The following UTRN variants were observed in gnomAD, a reference collection of about 807,000 sequenced individuals.
The protein encoded by UTRN is utrophin, also known as dystrophin-related protein 1.
UTRN carries 283 observed loss-of-function variants against 463.9 expected under a neutral mutation model. The observed-to-expected ratio is 0.61, with a 90% CI of 0.55 to 0.67. The LOEUF is 0.67. Ranked by LOEUF, UTRN falls within the 30% of genes least tolerant of loss-of-function variation. UTRN has a pLI of 0.00. For synonymous variants in UTRN, 1,442 were observed against 1,431.5 expected (o/e 1.01, Z -0.17); for missense variants, 3,922 against 4,084.3 (o/e 0.96, Z 1.08).
intron 51 of UTRN, among the ~76,000 whole-genome samples, chr6:144,588,238 T>C (rs1802666340): frequency 6.6e-6 from 1 of 152,216 alleles, no homozygotes; most frequent in South Asian, 2.1e-4. Context: ...TAGAAAGCTC[T>C]TGGACCTCTG....
intron 11 of UTRN, 128 bp downstream of exon 11, chr6:144,437,874 T>A: frequency 1.1e-6 from 1 of 897,704 alleles, no homozygotes; most frequent in Non-Finnish European, 1.6e-6. Context: ...TAAGACTCTT[T>A]TCTACGGGTA....
chr6:144,434,253 G>T (rs1326821998), intron 9 of UTRN, among the ~76,000 whole-genome samples: 1 of 148,280 alleles, frequency 6.7e-6, no homozygotes, highest in African/African-American at 2.5e-5. Flanking sequence ...TGAGGCAGGA[G>T]AATCAGGCAG....
intron 52 of UTRN, among the ~76,000 whole-genome samples, chr6:144,690,555 A>C (rs1051541183): frequency 1.3e-5 from 2 of 151,988 alleles, no homozygotes; most frequent in Non-Finnish European, 2.9e-5. Context: ...TCCTATGCCC[A>C]CTCAAGTTTA....
intron 2 of UTRN, among the ~76,000 whole-genome samples, chr6:144,389,420 GAGTATGC>G (rs1365716879): frequency 1.3e-5 from 2 of 152,110 alleles, no homozygotes; most frequent in African/African-American, 4.8e-5. Flanking sequence ...AAGTTTACCT[GAGTATGC>G]TGCTAATCTC....
At position 144,626,365 on chromosome 6, in the gene UTRN, T is replaced by G. The variant is rs1356858094; in HGVS notation, c.7479+49077T>G. ...GCACAAAGTATCACTCCAATCTCCTTTAAATCAGTTTCCCTCTCGCAACTG... is the reference window on the plus strand; with the variant it reads ...GCACAAAGTATCACTCCAATCTCCTGTAAATCAGTTTCCCTCTCGCAACTG... On this transcript the variant is annotated intron_variant, in intron 51 of 74. Coordinates refer to ENST00000367545, the MANE Select transcript of UTRN (RefSeq NM_007124.3). Among the ~76,000 whole-genome samples, 3 of 152,284 alleles carry G rather than the reference T, an allele frequency of 2.0e-5. No homozygotes were observed. In the East Asian group the frequency reaches 5.8e-4, roughly 29 times the overall value.
intron 51 of UTRN, among the ~76,000 whole-genome samples, chr6:144,645,264 G>A (rs930011491): frequency 1.3e-5 from 2 of 152,046 alleles, no homozygotes; most frequent in African/African-American, 4.8e-5. Context: ...GACACTCTAA[G>A]GAATTATTTG....
chr6:144,334,486 G>C (rs1322288404), intron 2 of UTRN, among the ~76,000 whole-genome samples: 1 of 152,090 alleles, frequency 6.6e-6, no homozygotes, highest in Admixed American at 6.5e-5. Flanking sequence ...GCAGCCTCAA[G>C]AGTTTGAGGC....
intron 53 of UTRN, among the ~76,000 whole-genome samples, chr6:144,702,354 C>T (rs1325872630): frequency 1.3e-5 from 2 of 152,066 alleles, no homozygotes; most frequent in Non-Finnish European, 2.9e-5. Context: ...GAGACCTAAG[C>T]CTTTAGGTAA....
intron 46 of UTRN, among the ~76,000 whole-genome samples, chr6:144,547,168 G>A (rs986948911): frequency 1.3e-5 from 2 of 152,184 alleles, no homozygotes; most frequent in Non-Finnish European, 2.9e-5. Flanking sequence ...TATAGAAGAG[G>A]TCAGACATTT....
intron 25 of UTRN, among the ~76,000 whole-genome samples, chr6:144,475,480 A>T (rs200558705): frequency 6.6e-6 from 1 of 152,210 alleles, no homozygotes; most frequent in East Asian, 1.9e-4. Flanking sequence ...TAGGCAGAGG[A>T]TGGATTAGCT....
intron 65 of UTRN, among the ~76,000 whole-genome samples, chr6:144,819,484 C>G (rs1205705470): frequency 6.6e-6 from 1 of 151,998 alleles, no homozygotes; most frequent in Non-Finnish European, 1.5e-5. Flanking sequence ...CACTTGAGGT[C>G]AGGAGTTTGA....
Position 144,752,712 on chromosome 6 carries a change from T to C in UTRN, c.8355+760T>C, listed in dbSNP as rs187915464. ...ATGTGTTTTTCTAGTGGATGGAACA[T>C]AGAAATATTTGTTCTTTATTCTTTT... On this transcript the variant is annotated intron_variant, in intron 56 of 74. Coordinates refer to ENST00000367545, the MANE Select transcript of UTRN (RefSeq NM_007124.3). Among the ~76,000 whole-genome samples, 12 of 152,298 alleles carry C rather than the reference T, an allele frequency of 7.9e-5. No individual in the cohort carries two copies. The East Asian group carries it at 2.3e-3, about 29-fold the overall frequency.
intron 59 of UTRN, among the ~76,000 whole-genome samples, chr6:144,772,638 A>T (rs1794202565): frequency 6.6e-6 from 1 of 152,206 alleles, no homozygotes; most frequent in South Asian, 2.1e-4. Flanking sequence ...CACTGCCTTA[A>T]ATTTGCTTTT....
intron 58 of UTRN, chr6:144,758,297 C>A: frequency 5.7e-6 from 1 of 174,934 alleles, no homozygotes; most frequent in Non-Finnish European, 1.0e-5. Flanking sequence ...AAGATCCAGT[C>A]TCTAAAAAGT....
At chr6:144,717,604 T>TTTTTTC (rs1172650223) in intron 53 of UTRN, among the ~76,000 whole-genome samples, 2 of 151,486 alleles carry the variant, frequency 1.3e-5, no homozygotes, top group Non-Finnish European at 2.9e-5. Flanking sequence ...ATAATTCCAT[T>TTTTTTC]TTTTTCTTTT....
At chr6:144,412,732 GTGTGTA>G (rs1345446514) in intron 3 of UTRN, among the ~76,000 whole-genome samples, 8 of 125,012 alleles carry the variant, frequency 6.4e-5, no homozygotes, top group African/African-American at 2.2e-4. Flanking sequence ...GTGTGTGTGT[GTGTGTA>G]TATATATATA....
chr6:144,678,712 G>A (rs923460810), intron 52 of UTRN, 134 bp downstream of exon 52: 2 of 867,954 alleles, frequency 2.3e-6, no homozygotes, highest in Non-Finnish European at 3.4e-6. Context: ...AGATTTTAAT[G>A]CAAAGCCTGT....
chr6:144,366,714 A>G (rs1011911595), intron 2 of UTRN, among the ~76,000 whole-genome samples: 1 of 152,122 alleles, frequency 6.6e-6, no homozygotes, highest in Non-Finnish European at 1.5e-5. Context: ...GAACATACAC[A>G]TGCATGTGTC....
intron 2 of UTRN, among the ~76,000 whole-genome samples, chr6:144,326,098 T>C (rs1775956990): frequency 6.6e-6 from 1 of 152,166 alleles, no homozygotes; most frequent in East Asian, 1.9e-4. Context: ...GGAAAGGGGA[T>C]GCCCAAGCCT....
Sources: gnomAD v4.1 joint callset for allele counts (sites outside exome capture counted in the v4.1 genomes callset) on GRCh38, gnomAD v4.1.1 for gene constraint, MANE v1.5 for transcripts, NCBI Gene and HGNC (gene_info 2026-07-23, HGNC 2026-07-21) for gene names.